Variants in TBL1Y observed in about 807,000 individuals in gnomAD.
The protein encoded by TBL1Y is transducin beta like 1 Y-linked, also known as F-box-like/WD repeat-containing protein TBL1Y.
In TBL1Y, 15 loss-of-function variants were observed where a neutral mutation model predicts 12.0. The observed-to-expected ratio is 1.25, with a 90% CI of 0.83 to 1.92. The LOEUF (loss-of-function observed/expected upper bound fraction) is 1.92, where lower values mean the gene tolerates loss of function less well. Among genes scored for constraint, TBL1Y ranks in the 40% most tolerant of loss-of-function variants. The pLI is 0.00. For missense variants in TBL1Y, 148 were observed against 116.7 expected (o/e 1.27, Z -1.24); for synonymous variants, 53 against 42.6 (o/e 1.24, Z -0.95).
intron 13 of TBL1Y, 63 bp downstream of exon 13, chrY:7,074,683 G>A: frequency 2.9e-6 from 1 of 344,750 alleles, no homozygotes; most frequent in Non-Finnish European, 4.2e-6. Flanking sequence ...GGGTGCAGTG[G>A]CTCACATCTA....
chrY:6,917,403 T>C, intron 2 of TBL1Y, among the ~76,000 whole-genome samples: 4 of 33,780 alleles, frequency 1.2e-4, no homozygotes, highest in South Asian at 1.3e-3. Context: ...GCTAAAAAGA[T>C]TGGGGACCAC....
At chrY:7,005,655 CTG>C (rs2012481823) in intron 4 of TBL1Y, among the ~76,000 whole-genome samples, 2 of 33,364 alleles carry the variant, frequency 6.0e-5, no homozygotes, top group African/African-American at 2.3e-4. Flanking sequence ...ATTTTCTTCT[CTG>C]TTTGCATTCC....
At chrY:7,007,458 G>C (rs2012494740) in intron 4 of TBL1Y, among the ~76,000 whole-genome samples, 1 of 33,206 alleles carries the variant, frequency 3.0e-5, no homozygotes, top group African/African-American at 1.2e-4. Flanking sequence ...GTCCGTATGT[G>C]TGTGTGTGTT....
At chrY:6,939,489 TGTGAA>T (rs2011929252) in intron 2 of TBL1Y, among the ~76,000 whole-genome samples, 1 of 33,033 alleles carries the variant, frequency 3.0e-5, no homozygotes, top group African/African-American at 1.2e-4. Context: ...TAATCACACC[TGTGAA>T]GTCCCTTTTT....
intron 1 of TBL1Y, among the ~76,000 whole-genome samples, chrY:6,911,865 G>A: frequency 2.9e-5 from 1 of 34,747 alleles, no homozygotes. Context: ...CACGTACATC[G>A]ACTGTGCGTG....
chrY:7,085,696 G>A (rs2013125312), intron 14 of TBL1Y, among the ~76,000 whole-genome samples: 9 of 32,412 alleles, frequency 2.8e-4, no homozygotes, highest in Non-Finnish European at 7.5e-5. Context: ...GTGGTACAGG[G>A]CTGTGGTTTT....
chrY:6,996,395 T>G, intron 4 of TBL1Y, among the ~76,000 whole-genome samples: 1 of 33,258 alleles, frequency 3.0e-5, no homozygotes, highest in African/African-American at 1.2e-4. Context: ...AAATGTCTGC[T>G]AAGAAGAGTT....
chrY:7,033,140 G>A (rs2012666023), intron 6 of TBL1Y, among the ~76,000 whole-genome samples: 1 of 33,070 alleles, frequency 3.0e-5, no homozygotes. Context: ...ATAAAAAAAT[G>A]ATAAAGAGGA....
intron 8 of TBL1Y, among the ~76,000 whole-genome samples, chrY:7,069,412 G>A (rs753954635): frequency 4.8e-4 from 16 of 33,665 alleles, no homozygotes; most frequent in Non-Finnish European, 1.0e-3. Context: ...TCTGGAGGCT[G>A]GAGGTCTGAG....
intron 2 of TBL1Y, among the ~76,000 whole-genome samples, chrY:6,957,187 C>T: frequency 5.7e-5 from 2 of 34,813 alleles, no homozygotes; most frequent in Non-Finnish European, 1.4e-4. Flanking sequence ...GCAATTGTTA[C>T]GCTTGTGCGC....
At chrY:6,987,956 T>C (rs2012332609) in intron 3 of TBL1Y, among the ~76,000 whole-genome samples, 1 of 32,760 alleles carries the variant, frequency 3.1e-5, no homozygotes, top group Non-Finnish European at 7.4e-5. Flanking sequence ...TCCCAAGCAG[T>C]GCATGTGTTG....
At chrY:7,003,528 G>A (rs2012466458) in intron 4 of TBL1Y, among the ~76,000 whole-genome samples, 1 of 33,355 alleles carries the variant, frequency 3.0e-5, no homozygotes, top group African/African-American at 1.2e-4. Context: ...GAGGGCAGGG[G>A]CTGGAGACAT....
intron 2 of TBL1Y, among the ~76,000 whole-genome samples, chrY:6,917,045 A>T: frequency 2.9e-5 from 1 of 34,356 alleles, no homozygotes; most frequent in South Asian, 6.5e-4. Context: ...CTCAAGTGCC[A>T]CCAGTGCCAA....
chrY:6,954,704 C>G (rs776187957), intron 2 of TBL1Y, among the ~76,000 whole-genome samples: 1 of 33,617 alleles, frequency 3.0e-5, no homozygotes, highest in South Asian at 6.9e-4. Flanking sequence ...TGAGATGAAC[C>G]CGGTACCTCA....
chrY:6,993,628 G>C (rs758594432), intron 3 of TBL1Y, among the ~76,000 whole-genome samples: 18 of 31,562 alleles, frequency 5.7e-4, no homozygotes, highest in Non-Finnish European at 6.8e-4. Context: ...CTACTTATGA[G>C]TGAGAACATG....
chrY:7,046,978 T>C (rs2012762288), intron 7 of TBL1Y, among the ~76,000 whole-genome samples: 2 of 33,723 alleles, frequency 5.9e-5, no homozygotes, highest in African/African-American at 1.2e-4. Flanking sequence ...GCTGTTCACA[T>C]CAAGGATGCC....
At chrY:6,946,205 T>C (rs371443469) in intron 2 of TBL1Y, among the ~76,000 whole-genome samples, 510 of 33,888 alleles carry the variant, frequency 0.015, no homozygotes, top group Non-Finnish European at 0.026. Context: ...ATTTTGCTTT[T>C]CAAAAAGAAA....
intron 4 of TBL1Y, among the ~76,000 whole-genome samples, chrY:7,012,674 A>G: frequency 2.9e-5 from 1 of 34,110 alleles, no homozygotes; most frequent in Non-Finnish European, 7.3e-5. Flanking sequence ...AGATAGCTTC[A>G]TGACAGCCCC....
At chrY:7,091,368 G>C in intron 18 of TBL1Y, 104 bp from the exon 19 acceptor site, 2 of 169,077 alleles carry the variant, frequency 1.2e-5, no homozygotes, top group Non-Finnish European at 1.9e-5. Context: ...AAAAATTGGT[G>C]GAGACCTAGA....
Sources: allele counts gnomAD v4.1 joint callset (sites outside exome capture counted in the v4.1 genomes callset), GRCh38; gene constraint gnomAD v4.1.1; transcripts MANE v1.5; gene names NCBI Gene and HGNC (gene_info 2026-07-23, HGNC 2026-07-21).